ZC3H14: variants seen among roughly 807,000 people sequenced by gnomAD.
ZC3H14 encodes zinc finger CCCH-type containing 14.
A neutral mutation model predicts 92.4 loss-of-function variants in ZC3H14; 31 were observed. The ratio of observed to expected loss-of-function variants is 0.34; its 90% CI spans 0.25 to 0.45. The LOEUF (loss-of-function observed/expected upper bound fraction) is 0.45, where lower values mean the gene tolerates loss of function less well. Among genes scored for constraint, ZC3H14 ranks in the 20% least tolerant of loss-of-function variants. The pLI, the probability that ZC3H14 is intolerant of heterozygous loss-of-function variation, is 1.00. For synonymous variants in ZC3H14, 321 were observed against 300.9 expected (o/e 1.07, Z -0.69); for missense variants, 781 against 897.3 (o/e 0.87, Z 1.66).
chr14:88,616,512 A>T lies in ZC3H14; in HGVS notation c.*4761A>T. On this transcript the variant is annotated 3_prime_UTR_variant, in exon 17 of 17. Transcript: ENST00000251038. ...TGATTATAGGTTTGGTGAAAAGCTAATTACAGCTTTTGTAGGATGGTTCCA... is the reference window on the plus strand; with the variant it reads ...TGATTATAGGTTTGGTGAAAAGCTATTTACAGCTTTTGTAGGATGGTTCCA... 1 of 607,956 alleles carries T rather than the reference A, an allele frequency of 1.6e-6. No individual in the cohort carries two copies. The highest frequency in any genetic ancestry group is 2.8e-6 in the Non-Finnish European group (1 of 353,818). The allele number at this position is 607,956 out of a possible 1,614,324, so 37.7% of individuals were successfully genotyped here.
chr14:88,579,989 A>C (rs1347314263), intron 9 of ZC3H14, among the ~76,000 whole-genome samples: 1 of 152,216 alleles, frequency 6.6e-6, no homozygotes, highest in African/African-American at 2.4e-5. Flanking sequence ...AGGCAGGAGG[A>C]TCACTTGAGA....
chr14:88,597,355 T>A (rs994761547), intron 10 of ZC3H14, among the ~76,000 whole-genome samples: 1 of 152,196 alleles, frequency 6.6e-6, no homozygotes, highest in Non-Finnish European at 1.5e-5. Context: ...CTGTCCTCAG[T>A]GCCCAGCCCC....
intron 9 of ZC3H14, chr14:88,591,807 T>A (rs1324363750): frequency 1.3e-5 from 2 of 152,234 alleles, no homozygotes; most frequent in African/African-American, 2.4e-5. Context: ...GGAATTATAC[T>A]ACCCAGAGTT....
At chr14:88,579,270 G>T (rs999785416) in intron 9 of ZC3H14, among the ~76,000 whole-genome samples, 1 of 151,968 alleles carries the variant, frequency 6.6e-6, no homozygotes, top group African/African-American at 2.4e-5. Flanking sequence ...TGACTGTATT[G>T]TTCAGTTTGC....
At position 88,563,126 on chromosome 14, in the gene ZC3H14, G is replaced by A; in HGVS notation, c.-8G>A. On this transcript the variant is annotated 5_prime_UTR_variant, in exon 1 of 17. Coordinates refer to ENST00000251038, the MANE Select transcript of ZC3H14 (RefSeq NM_024824.5). ...GCGCAGTGCTGAGTTCCCGCACGCC[G>A]CAGAGCCATGGAGATCGGCACCGAG... 6.3e-7 allele frequency: 1 copy of A among 1,592,124 alleles called. No homozygotes were observed. Among genetic ancestry groups the A allele is most frequent in the Non-Finnish European group, 8.5e-7 (1 of 1,173,166 alleles).
intron 13 of ZC3H14, 107 bp from the exon 14 acceptor site, chr14:88,609,160 A>T (rs1342878111): frequency 3.7e-6 from 5 of 1,368,576 alleles, no homozygotes; most frequent in Admixed American, 4.2e-5. Context: ...TTTTTTTTGC[A>T]TTTCTCAAAA....
In ZC3H14 at chr14:88,622,805, C is replaced by CTTTT; in HGVS notation, c.*11061_*11064dup. On this transcript the variant is annotated 3_prime_UTR_variant, in exon 17 of 17. Coordinates refer to ENST00000251038, the MANE Select transcript of ZC3H14 (RefSeq NM_024824.5). ...ACAAATACCAAGTTATAAGCAGAAT[C>CTTTT]TTTTTTTTTTAAAAAGGCCCTGATA... 1 of 514,246 alleles carries CTTTT rather than the reference C, an allele frequency of 1.9e-6. No homozygotes were observed. Among genetic ancestry groups the CTTTT allele is most frequent in the Non-Finnish European group, 3.0e-6 (1 of 332,308 alleles). The allele number at this position is 514,246 out of a possible 1,614,324, so 31.9% of individuals were successfully genotyped here. A position where few individuals can be genotyped will look rare whatever the true frequency, so the allele number is the denominator to read the frequency against.
Position 88,616,986 on chromosome 14 carries a change from T to A in ZC3H14, c.*5235T>A. On this transcript the variant is annotated 3_prime_UTR_variant, in exon 17 of 17. Coordinates refer to ENST00000251038, the MANE Select transcript of ZC3H14 (RefSeq NM_024824.5). ...TCTCTAAGTACCCTATCATGTTACTTAAAATACAGGAAGTAAATTATGGTA... is the reference window on the plus strand; with the variant it reads ...TCTCTAAGTACCCTATCATGTTACTAAAAATACAGGAAGTAAATTATGGTA... The A allele has an allele frequency of 9.9e-7, 1 of 1,008,904 alleles. No individual in the cohort carries two copies. Among genetic ancestry groups the A allele is most frequent in the Non-Finnish European group, 1.4e-6 (1 of 694,452 alleles). 62.5% of individuals were successfully genotyped at this position (1,008,904 alleles called of 1,614,324 possible). A position where few individuals can be genotyped will look rare whatever the true frequency, so the allele number is the denominator to read the frequency against.
At chr14:88,605,214 G>C (rs995072082) in intron 12 of ZC3H14, among the ~76,000 whole-genome samples, 2 of 152,124 alleles carry the variant, frequency 1.3e-5, no homozygotes, top group Non-Finnish European at 2.9e-5. Context: ...TAGGAAAAGG[G>C]TAAGACACAT....
rs2087270956 is a variant in ZC3H14, at chr14:88,614,319, C to T, written c.*2568C>T. ...GAATCCACTGATGAACAAGTACCAA[C>T]TTACGTTTCAAGCTTCTTAGCCCCA... On this transcript the variant is annotated 3_prime_UTR_variant, in exon 17 of 17. Coordinates refer to ENST00000251038, the MANE Select transcript of ZC3H14 (RefSeq NM_024824.5). 1 of 152,186 alleles carries T rather than the reference C, an allele frequency of 6.6e-6. No individual in the cohort carries two copies. Among genetic ancestry groups the T allele is most frequent in the African/African-American group, 2.4e-5 (1 of 41,440 alleles). 9.4% of individuals were successfully genotyped at this position (152,186 alleles called of 1,614,324 possible). A position where few individuals can be genotyped will look rare whatever the true frequency, so the allele number is the denominator to read the frequency against.
rs963452041 is a variant in ZC3H14, at chr14:88,577,865, A to G, written c.1124-120A>G. 5.2e-5 allele frequency: 70 copies of G among 1,339,988 alleles called. 1 individual carries two copies. The highest frequency in any genetic ancestry group is 2.3e-4 in the Middle Eastern group (1 of 4,430). 83.0% of individuals were successfully genotyped at this position (1,339,988 alleles called of 1,614,324 possible). On this transcript the variant is annotated intron_variant, in intron 8 of 16. Transcript: ENST00000251038. ...ATTACAGGCATGAGCCACTGCGCCC[A>G]GCCTGAACTCATATGTCCTAAACCA...
Position 88,620,806 on chromosome 14 carries a change from G to T in ZC3H14, c.*9055G>T. 1 of 1,607,676 alleles carries T rather than the reference G, an allele frequency of 6.2e-7. No homozygotes were observed. On this transcript the variant is annotated 3_prime_UTR_variant, in exon 17 of 17. Transcript: ENST00000251038. This position sits in a 1 kb window ranked among gnomAD's most constrained non-coding sequence, Gnocchi z 4.3. ...TCTCTCTTCTTTCCCCATATTTTTA[G>T]AGAACTCACTAGTAAAATGATAAAT...
intron 9 of ZC3H14, among the ~76,000 whole-genome samples, chr14:88,593,594 T>C (rs143000074): frequency 2.4e-3 from 362 of 152,268 alleles, no homozygotes; most frequent in African/African-American, 7.0e-3. Flanking sequence ...CCATCAATTT[T>C]TGGCAGCGGT....
Position 88,617,805 on chromosome 14 carries a change from A to T in ZC3H14, c.*6054A>T, listed in dbSNP as rs1436239446. On this transcript the variant is annotated 3_prime_UTR_variant, in exon 17 of 17. Transcript: ENST00000251038. ...GATGGCATTTTTCATTGGCCAAAAAAATGGATAGTCATGGTTACCTGTCAT... is the reference window on the plus strand; with the variant it reads ...GATGGCATTTTTCATTGGCCAAAAATATGGATAGTCATGGTTACCTGTCAT... 1.3e-5 allele frequency: 2 copies of T among 153,714 alleles called. No individual in the cohort carries two copies. The highest frequency in any genetic ancestry group is 4.8e-5 in the African/African-American group (2 of 41,472). 9.5% of individuals were successfully genotyped at this position (153,714 alleles called of 1,614,324 possible).
intron 3 of ZC3H14, among the ~76,000 whole-genome samples, chr14:88,569,937 T>C (rs2080178047): frequency 6.6e-6 from 1 of 152,174 alleles, no homozygotes; most frequent in Non-Finnish European, 1.5e-5. Flanking sequence ...CCAGAGGTTA[T>C]TCCCTCCCAG....
rs2088661578 is a variant in ZC3H14, at chr14:88,620,370, C to CT, written c.*8620dup. ...AATTAATGAACTACATATTCCCAAA[C>CT]TGAGGTTACTAAGAGAAGATATGTT... On this transcript the variant is annotated 3_prime_UTR_variant, in exon 17 of 17. Transcript: ENST00000251038. This position sits in a 1 kb window ranked among gnomAD's most constrained non-coding sequence, Gnocchi z 4.3. The CT allele has an allele frequency of 6.2e-6, 1 of 161,924 alleles. No homozygotes were observed. The highest frequency in any genetic ancestry group is 2.0e-4 in the South Asian group (1 of 4,922). The allele number at this position is 161,924 out of a possible 1,614,324, so 10.0% of individuals were successfully genotyped here. A position where few individuals can be genotyped will look rare whatever the true frequency, so the allele number is the denominator to read the frequency against.
rs781017277 is a variant in ZC3H14, at chr14:88,627,027, T to A, written c.*15276T>A. 1.9e-6 allele frequency: 3 copies of A among 1,613,812 alleles called. No individual in the cohort carries two copies. In the Admixed American group the frequency reaches 5.0e-5, roughly 27 times the overall value. On this transcript the variant is annotated 3_prime_UTR_variant, in exon 17 of 17. Coordinates refer to ENST00000251038, the MANE Select transcript of ZC3H14 (RefSeq NM_024824.5). Reference sequence around the variant, plus strand: ...CAAAAATACGTTGATTGTGACCAGCTCTGCTGGCAATTTTGGCACCTGACA... The same window carrying A: ...CAAAAATACGTTGATTGTGACCAGCACTGCTGGCAATTTTGGCACCTGACA...
intron 9 of ZC3H14, chr14:88,591,766 T>TA (rs2083164816): frequency 6.6e-6 from 1 of 152,208 alleles, no homozygotes; most frequent in Non-Finnish European, 1.5e-5. Context: ...CATGTTTACT[T>TA]ACGCACACAC....
rs374343052 is a variant in ZC3H14 at position 88,595,199 on chromosome 14, G to A, written c.1280-1535G>A. 5.1e-6 allele frequency: 8 copies of A among 1,557,860 alleles called. No homozygotes were observed. In the African/African-American group the frequency reaches 6.9e-5, roughly 13 times the overall value. ...TGTTGACTGTAGCTCTGATGTGGAG[G>A]GAGCAAGTTACAGAGAACTTGAATT... On this transcript the variant is annotated intron_variant, in intron 9 of 16. Transcript: ENST00000251038.
Sources: gnomAD v4.1 joint callset for allele counts (sites outside exome capture counted in the v4.1 genomes callset) on GRCh38, gnomAD v4.1.1 for gene constraint, Gnocchi (gnomAD v3.1) non-coding constraint, MANE v1.5 for transcripts, NCBI Gene and HGNC (gene_info 2026-07-23, HGNC 2026-07-21) for gene names.